Variants in GZMB observed in about 807,000 individuals in gnomAD.
The protein encoded by GZMB is granzyme B.
A neutral mutation model predicts 24.2 loss-of-function variants in GZMB; 27 were observed. The observed-to-expected ratio is 1.12, with a 90% CI of 0.82 to 1.54. GZMB has a LOEUF of 1.54. Among genes scored for constraint, GZMB ranks in the 40% most tolerant of loss-of-function variants. The probability of loss-of-function intolerance (pLI) is 0.00; values close to 1 mark genes in which losing one functional copy is unlikely to be tolerated. For synonymous variants in GZMB, 121 were observed against 115.1 expected (o/e 1.05, Z -0.33); for missense variants, 336 against 310.1 (o/e 1.08, Z -0.63).
chr14:24,633,096 A>G, intron 1 of GZMB, 34 bp from the exon 2 acceptor site: 1 of 1,566,412 alleles, frequency 6.4e-7, no homozygotes, highest in South Asian at 1.2e-5. Flanking sequence ...GTGGGCACCC[A>G]TGGAATCTGC....
chr14:24,632,889 G>T (rs1408940914), intron 2 of GZMB, 26 bp downstream of exon 2: 1 of 1,602,656 alleles, frequency 6.2e-7, no homozygotes, highest in South Asian at 1.1e-5. Context: ...TTTCCAGGAG[G>T]GTGTGGGCTG....
At chr14:24,631,352 G>T in intron 4 of GZMB, 138 bp from the exon 5 acceptor site, 1 of 685,094 alleles carries the variant, frequency 1.5e-6, no homozygotes, top group Non-Finnish European at 2.4e-6. Context: ...GGCCGCTGGT[G>T]GCCCCCAGCT....
intron 4 of GZMB, chr14:24,631,557 C>A: frequency 1.8e-6 from 1 of 552,078 alleles, no homozygotes. Context: ...CCTCTGAAGA[C>A]ACACCTGGTT....
Position 24,634,116 on chromosome 14 carries a change from C to T in GZMB, c.45G>A (p.Arg15=), listed in dbSNP as rs773697237. 18 of 1,594,304 alleles carry T rather than the reference C, an allele frequency of 1.1e-5. No homozygotes were observed. The South Asian group carries it at 1.5e-4, about 13-fold the overall frequency. Residue 15 remains arginine, a synonymous_variant, in exon 1 of 5, where the codon AGG becomes AGA. Coordinates refer to ENST00000216341, the MANE Select transcript of GZMB (RefSeq NM_004131.6). ...LLLLAFLLLP[R]ADAGEIIGGH... is the part of the protein sequence containing the mutation. ...GAGACGGTCACTCACCTGCATCTGC[C>T]CTGGGCAGCAGGAGGAAGGCCAGCA...
intron 4 of GZMB, chr14:24,631,468 T>C (rs2066994062): frequency 1.8e-6 from 1 of 554,764 alleles, no homozygotes; most frequent in Non-Finnish European, 3.2e-6. Flanking sequence ...GACCGTTGGC[T>C]GTTTAAGGAC....
chr14:24,634,123 A>G lies in GZMB; in HGVS notation c.38T>C (p.Leu13Pro). The G allele has an allele frequency of 6.3e-7, 1 of 1,595,008 alleles. No homozygotes were observed. The highest frequency in any genetic ancestry group is 8.5e-7 in the Non-Finnish European group (1 of 1,172,052). Reference protein sequence around the residue: ...PILLLLAFLLLPRADAGEIIG... With the variant: ...PILLLLAFLLPPRADAGEIIG... Reference sequence around the variant, plus strand: ...TCACTCACCTGCATCTGCCCTGGGCAGCAGGAGGAAGGCCAGCAGAAGCAG... The same window carrying G: ...TCACTCACCTGCATCTGCCCTGGGCGGCAGGAGGAAGGCCAGCAGAAGCAG... Residue 13 changes from leucine (L) to proline (P), a missense_variant, in exon 1 of 5, where the codon CTG becomes CCG. Physicochemically the swap from Leu to Pro is moderately conservative, Grantham distance 98. Coordinates refer to ENST00000216341, the MANE Select transcript of GZMB (RefSeq NM_004131.6).
At chr14:24,632,497 C>T (rs758673556) in intron 2 of GZMB, 38 bp from the exon 3 acceptor site, 2 of 1,613,680 alleles carry the variant, frequency 1.2e-6, no homozygotes, top group South Asian at 2.2e-5. Flanking sequence ...GGTGGAGTCA[C>T]AGGGTATACA....
chr14:24,632,542 G>A, intron 2 of GZMB, 83 bp from the exon 3 acceptor site: 1 of 1,600,396 alleles, frequency 6.2e-7, no homozygotes. Context: ...GACAGCTGGG[G>A]CAGGGCTGCA....
chr14:24,631,075 T>C lies in GZMB; in HGVS notation c.740A>G (p.Tyr247Cys), dbSNP rs2066990138. ...GGCTTAGTTTGCTTCCTGTAGTTAG[T>C]AGCGTTTCATGGTTTTCTTTATCCA... Reference protein sequence around the residue: ...VHWIKKTMKRY With the variant: ...VHWIKKTMKRC The change falls in exon 5 of 5, where the codon TAC becomes TGC. Residue 247 changes from tyrosine (Y) to cysteine (C), a missense_variant. Physicochemically the swap from Tyr to Cys is radical, Grantham distance 194. Coordinates refer to ENST00000216341, the MANE Select transcript of GZMB (RefSeq NM_004131.6). The C allele has an allele frequency of 6.2e-7, 1 of 1,612,564 alleles. No homozygotes were observed.
intron 4 of GZMB, chr14:24,631,554 A>G (rs1014026019): frequency 3.6e-6 from 2 of 551,026 alleles, no homozygotes; most frequent in Admixed American, 6.5e-5. Flanking sequence ...CAGCCTCTGA[A>G]GACACACCTG....
chr14:24,632,649 G>A (rs2067008070), intron 2 of GZMB, 190 bp from the exon 3 acceptor site: 4 of 936,092 alleles, frequency 4.3e-6, no homozygotes, highest in Non-Finnish European at 6.8e-6. Flanking sequence ...AGAAACACAG[G>A]TGGAATTGCT....
At chr14:24,633,958 T>C (rs775713251) in intron 1 of GZMB, 148 bp downstream of exon 1, 7 of 764,962 alleles carry the variant, frequency 9.2e-6, no homozygotes, top group Non-Finnish European at 1.4e-5. Context: ...TGCTGATAGC[T>C]TATCCAGCAT....
rs775333412 is a variant in GZMB at position 24,632,941 on chromosome 14, C to T, written c.177G>A (p.Val59=). The part of the protein sequence containing the change: ...CGGFLIRDDF[V]LTAAHCWGSS... ...TTCCCCAACAGTGAGCAGCTGTCAGCACGAAGTCGTCTCGTATCAGGAAGC... is the reference window on the plus strand; with the variant it reads ...TTCCCCAACAGTGAGCAGCTGTCAGTACGAAGTCGTCTCGTATCAGGAAGC... Residue 59 remains valine, a synonymous_variant, in exon 2 of 5, where the codon GTG becomes GTA. Coordinates refer to ENST00000216341, the MANE Select transcript of GZMB (RefSeq NM_004131.6). 1 of 1,613,082 alleles carries T rather than the reference C, an allele frequency of 6.2e-7. No homozygotes were observed. Among genetic ancestry groups the T allele is most frequent in the East Asian group, 2.2e-5 (1 of 44,832 alleles).
rs1467365769 is a variant in GZMB, at chr14:24,632,128, A to C, written c.340-10T>G. The C allele has an allele frequency of 1.2e-6, 2 of 1,612,252 alleles. No homozygotes were observed. Among genetic ancestry groups the C allele is most frequent in the African/African-American group, 2.7e-5 (2 of 74,756 alleles). On this transcript the variant is annotated splice_polypyrimidine_tract_variant and intron_variant, in intron 3 of 4. Coordinates refer to ENST00000216341, the MANE Select transcript of GZMB (RefSeq NM_004131.6). The stretch of plus-strand genomic sequence containing the variant: ...TGGCCTTTCTCTCCAGCTGGTGGGG[A>C]AGAGGCAAGAAAGTCCAGGTCAGCC...
intron 3 of GZMB, 56 bp from the exon 4 acceptor site, chr14:24,632,174 C>T: frequency 2.5e-6 from 4 of 1,598,762 alleles, no homozygotes; most frequent in South Asian, 2.3e-5. Flanking sequence ...TGGGCCCCGA[C>T]ACAGTGATGG....
In GZMB at chr14:24,631,992, GT is replaced by G. The variant is rs1594827740; in HGVS notation, c.465del (p.Lys155AsnfsTer9). 1 of 1,614,196 alleles carries G rather than the reference GT, an allele frequency of 6.2e-7. No individual in the cohort carries two copies. The highest frequency in any genetic ancestry group is 1.6e-4 in the Middle Eastern group (1 of 6,062). On this transcript the variant is annotated frameshift_variant, in exon 4 of 5. Transcript: ENST00000216341. LOFTEE classifies it high-confidence loss of function. ...AGWGQTAPLGKHSHTLQEVKM... is the reference protein window; with the variant it reads ...AGWGQTAPLGXHSHTLQEVKM... ...TTCACCTCTTGTAGTGTGTGTGAGT[GT>G]TTTCCCAGGGGGGCCGTCTGCCCCC...
chr14:24,633,223 A>C (rs1462005322), intron 1 of GZMB, 161 bp from the exon 2 acceptor site: 1 of 1,433,234 alleles, frequency 7.0e-7, no homozygotes, highest in Admixed American at 2.5e-5. Context: ...GAAAAAGGGA[A>C]GAACAGCAGA....
intron 1 of GZMB, 73 bp downstream of exon 1, chr14:24,634,033 T>C (rs762197253): frequency 1.6e-6 from 2 of 1,267,464 alleles, no homozygotes; most frequent in Non-Finnish European, 2.3e-6. Context: ...GATAGATGGA[T>C]CAGGAATGTG....
In GZMB at chr14:24,631,196, G is replaced by A. The variant is rs1367255345; in HGVS notation, c.619C>T (p.Leu207Phe). 1 of 1,613,402 alleles carries A rather than the reference G, an allele frequency of 6.2e-7. No homozygotes were observed. Among genetic ancestry groups the A allele is most frequent in the Non-Finnish European group, 8.5e-7 (1 of 1,179,642 alleles). ...CCCTGGGCCACCTTGTTACACACAA[G>A]AGGGCCTCCAGAGTCCCCCTGTGAA... is the stretch of plus-strand genomic sequence containing the variant. ...TSFKGDSGGP[L>F]VCNKVAQGIV... is the part of the protein sequence containing the mutation. The change falls in exon 5 of 5, where the codon CTT becomes TTT. Residue 207 changes from leucine (L) to phenylalanine (F), a missense_variant. Transcript: ENST00000216341.
Sources: gnomAD v4.1 joint callset for allele counts on GRCh38, gnomAD v4.1.1 for gene constraint, MANE v1.5 for transcripts, NCBI Gene and HGNC (gene_info 2026-07-23, HGNC 2026-07-21) for gene names.